AKAP14: variants seen among roughly 807,000 people sequenced by gnomAD.
AKAP14 encodes the protein A-kinase anchor protein 14.
A neutral mutation model predicts 17.0 loss-of-function variants in AKAP14; 4 were observed. The observed-to-expected ratio is 0.23, with a 90% confidence interval of 0.12 to 0.54. The LOEUF (loss-of-function observed/expected upper bound fraction) is 0.54. Among genes scored for constraint, AKAP14 ranks in the 20% least tolerant of loss-of-function variants. The pLI, the probability that AKAP14 is intolerant of heterozygous loss-of-function variation, is 0.95. For missense variants in AKAP14, 129 were observed against 150.9 expected (o/e 0.85, Z 0.76); for synonymous variants, 42 against 51.3 (o/e 0.82, Z 0.77).
intron 4 of AKAP14, among the ~76,000 whole-genome samples, chrX:119,905,301 C>G (rs1045361979): frequency 8.9e-6 from 1 of 111,950 alleles, no homozygotes; most frequent in East Asian, 2.8e-4. Context: ...CGCCACTCAC[C>G]GTTCTCATTA....
rs112850987 is a variant in AKAP14, at chrX:119,903,222, A to G, written c.-2A>G. 3 of 1,208,035 alleles carry G rather than the reference A, an allele frequency of 2.5e-6. No individual in the cohort carries two copies. In the African/African-American group the frequency reaches 5.2e-5, roughly 21 times the overall value. ...CTTCTTTTTTTCCCCAGGAAAAAGAAAATGAGTGAGACTCAAAATTCAACA... is the reference window on the plus strand; with the variant it reads ...CTTCTTTTTTTCCCCAGGAAAAAGAGAATGAGTGAGACTCAAAATTCAACA... On this transcript the variant is annotated 5_prime_UTR_variant, in exon 3 of 7. Transcript: ENST00000371431.
chrX:119,915,005 T>G, intron 5 of AKAP14, 127 bp downstream of exon 5: 1 of 688,855 alleles, frequency 1.5e-6, no homozygotes, highest in Non-Finnish European at 2.1e-6. Context: ...CTTACTGGCC[T>G]ATGCACGGCA....
chrX:119,909,969 GCA>G (rs2056619373), intron 4 of AKAP14, among the ~76,000 whole-genome samples: 1 of 110,180 alleles, frequency 9.1e-6, no homozygotes, highest in East Asian at 2.8e-4. Context: ...ACCAGCCTGG[GCA>G]ATATAGGGAG....
chrX:119,908,228 A>G (rs929718727), intron 4 of AKAP14, among the ~76,000 whole-genome samples: 2 of 105,791 alleles, frequency 1.9e-5, no homozygotes, highest in Non-Finnish European at 3.9e-5. Context: ...CGGAGGTTGC[A>G]GTGAGCTGAG....
chrX:119,903,236 CA>C lies in AKAP14; in HGVS notation c.17del (p.Asn6IlefsTer31). On this transcript the variant is annotated frameshift_variant, in exon 3 of 7. Coordinates refer to ENST00000371431, the MANE Select transcript of AKAP14 (RefSeq NM_178813.6). LOFTEE classifies it high-confidence loss of function. MSET[Q>X]NSTSQKAMDE... The stretch of plus-strand genomic sequence containing the variant: ...CAGGAAAAAGAAAATGAGTGAGACT[CA>C]AAATTCAACAAGCCAGAAAGCAATG... The C allele has an allele frequency of 1.7e-6, 2 of 1,208,311 alleles. No individual in the cohort carries two copies. The highest frequency in any genetic ancestry group is 2.2e-6 in the Non-Finnish European group (2 of 894,673).
intron 2 of AKAP14, among the ~76,000 whole-genome samples, chrX:119,901,237 T>G (rs752223793): frequency 8.9e-6 from 1 of 112,040 alleles, no homozygotes; most frequent in Non-Finnish European, 1.9e-5. Context: ...TTTACATTTT[T>G]CTGGAAGTAT....
rs757277647 is a variant in AKAP14 at position 119,903,606 on chromosome X, C to G, written c.261+20C>G. ...TTTTCGGTAAGTTAGGCCGACCACT[C>G]CAGCATGGTACACCGGTGTGAAGAA... is the stretch of plus-strand genomic sequence containing the variant. On this transcript the variant is annotated intron_variant, in intron 4 of 6. Transcript: ENST00000371431. The G allele has an allele frequency of 8.3e-7, 1 of 1,209,713 alleles. No homozygotes were observed. Among genetic ancestry groups the G allele is most frequent in the East Asian group, 3.0e-5 (1 of 33,765 alleles).
intron 5 of AKAP14, among the ~76,000 whole-genome samples, chrX:119,916,653 CTTT>C (rs34475201): frequency 0.079 from 5,252 of 66,339 alleles, 322 homozygotes; most frequent in African/African-American, 0.21. Flanking sequence ...CCACGCCTGG[CTTT>C]TTTTTTTTTT....
chrX:119,919,541 A>G (rs926127554), intron 5 of AKAP14, among the ~76,000 whole-genome samples: 3 of 112,706 alleles, frequency 2.7e-5, no homozygotes, highest in Non-Finnish European at 5.6e-5. Flanking sequence ...GTAGGGAAGT[A>G]AGGAATTAAG....
intron 4 of AKAP14, among the ~76,000 whole-genome samples, chrX:119,913,095 C>G (rs761810686): frequency 1.2e-3 from 126 of 104,121 alleles, no homozygotes; most frequent in Non-Finnish European, 2.3e-3. Context: ...CAAGGCCAGC[C>G]TGGACAACAT....
chrX:119,911,073 C>G (rs1328277691), intron 4 of AKAP14, among the ~76,000 whole-genome samples: 2 of 107,813 alleles, frequency 1.9e-5, no homozygotes, highest in African/African-American at 6.7e-5. Flanking sequence ...TTAATATTGG[C>G]CGGGCATGGT....
At chrX:119,896,349 G>A (rs2056526641) in intron 2 of AKAP14, 82 bp downstream of exon 2, 1 of 105,098 alleles carries the variant, frequency 9.5e-6, no homozygotes, top group African/African-American at 3.5e-5. Flanking sequence ...GACCCCAAAC[G>A]TTACCATTCC....
At chrX:119,907,352 A>C (rs778497916) in intron 4 of AKAP14, among the ~76,000 whole-genome samples, 1 of 110,586 alleles carries the variant, frequency 9.0e-6, no homozygotes, top group Non-Finnish European at 1.9e-5. Context: ...TCTGGTCTCA[A>C]ACTCCTGACC....
At chrX:119,906,225 CTTTTTTTTTT>C (rs10637499) in intron 4 of AKAP14, among the ~76,000 whole-genome samples, 16 of 50,887 alleles carry the variant, frequency 3.1e-4, no homozygotes, top group African/African-American at 1.3e-3. Flanking sequence ...CCTGGCATTT[CTTTTTTTTTT>C]TTTTTTTTTT....
chrX:119,904,897 T>A (rs1377711128), intron 4 of AKAP14, among the ~76,000 whole-genome samples: 10 of 102,295 alleles, frequency 9.8e-5, no homozygotes, highest in African/African-American at 3.5e-4. Context: ...AAAATAATAA[T>A]AATAATTAGC....
intron 5 of AKAP14, among the ~76,000 whole-genome samples, chrX:119,917,593 G>A (rs1161079997): frequency 2.8e-5 from 3 of 106,282 alleles, no homozygotes; most frequent in Admixed American, 1.0e-4. Flanking sequence ...TACCAAGAGC[G>A]AAACACCATT....
chrX:119,898,566 C>T (rs1327728964), intron 2 of AKAP14, among the ~76,000 whole-genome samples: 99 of 108,829 alleles, frequency 9.1e-4, no homozygotes, highest in Non-Finnish European at 1.6e-3. Context: ...TACACCAAGG[C>T]AGGTGTATCA....
intron 4 of AKAP14, among the ~76,000 whole-genome samples, chrX:119,905,099 G>A (rs1474021058): frequency 2.7e-5 from 3 of 110,385 alleles, no homozygotes; most frequent in African/African-American, 9.9e-5. Context: ...CTGTGGAACA[G>A]AGACCAGTTG....
intron 4 of AKAP14, among the ~76,000 whole-genome samples, chrX:119,913,428 C>A (rs2056639507): frequency 8.9e-6 from 1 of 112,207 alleles, no homozygotes; most frequent in African/African-American, 3.2e-5. Context: ...ATTGAACCTG[C>A]CTCCTGTGAG....
Sources: gnomAD v4.1 joint callset for allele counts (sites outside exome capture counted in the v4.1 genomes callset) on GRCh38, gnomAD v4.1.1 for gene constraint, MANE v1.5 for transcripts, NCBI Gene and HGNC (gene_info 2026-07-23, HGNC 2026-07-21) for gene names.